The following HEATR5A variants were observed in gnomAD, a reference collection of about 807,000 sequenced individuals.
The protein encoded by HEATR5A is HEAT repeat-containing protein 5A.
A neutral mutation model predicts 218.8 loss-of-function variants in HEATR5A; 178 were observed. That is an observed-to-expected ratio of 0.81 (90% CI 0.72 to 0.92). The LOEUF (loss-of-function observed/expected upper bound fraction) is 0.92, where lower values mean the gene tolerates loss of function less well. Among genes scored for constraint, HEATR5A ranks in the 40% least tolerant of loss-of-function variants. The probability of loss-of-function intolerance (pLI) is 0.00; values close to 1 mark genes in which losing one functional copy is unlikely to be tolerated. For synonymous variants in HEATR5A, 864 were observed against 871.6 expected (o/e 0.99, Z 0.15); for missense variants, 2,420 against 2,418.9 (o/e 1.00, Z -0.01).
chr14:31,323,141 T>A (rs1485630604), intron 24 of HEATR5A, among the ~76,000 whole-genome samples: 1 of 152,174 alleles, frequency 6.6e-6, no homozygotes, highest in Non-Finnish European at 1.5e-5. Context: ...TCTATAAACT[T>A]AATGCATTGC....
At chr14:31,362,606 C>CAAAAAAAAAAAAAA (rs71115003) in intron 14 of HEATR5A, among the ~76,000 whole-genome samples, 3 of 44,756 alleles carry the variant, frequency 6.7e-5, no homozygotes, top group Non-Finnish European at 7.3e-5. Context: ...CTACAAATGA[C>CAAAAAAAAAAAAAA]AAAAAAAAAA....
chr14:31,398,586 T>C, intron 4 of HEATR5A, 87 bp downstream of exon 4: 1 of 662,682 alleles, frequency 1.5e-6, no homozygotes, highest in Non-Finnish European at 2.6e-6. Context: ...ATGCTTGACA[T>C]ATGTAAAGCT....
intron 5 of HEATR5A, among the ~76,000 whole-genome samples, chr14:31,394,773 G>A (rs746910378): frequency 7.9e-5 from 12 of 152,054 alleles, no homozygotes; most frequent in Non-Finnish European, 1.6e-4. Context: ...AGCCGAGATC[G>A]CGCCTCTACA....
At chr14:31,353,679 T>C (rs952520690) in intron 16 of HEATR5A, among the ~76,000 whole-genome samples, 2 of 152,004 alleles carry the variant, frequency 1.3e-5, no homozygotes, top group Admixed American at 6.6e-5. Context: ...GAAGCTGCAG[T>C]GAGGCAAAAT....
At chr14:31,397,333 A>AT (rs201155054) in intron 4 of HEATR5A, among the ~76,000 whole-genome samples, 14 of 148,812 alleles carry the variant, frequency 9.4e-5, no homozygotes, top group Non-Finnish European at 1.2e-4. Flanking sequence ...ATGTTTTTAG[A>AT]TTTTTTTTTT....
At chr14:31,373,876 G>C (rs1308279035) in intron 12 of HEATR5A, among the ~76,000 whole-genome samples, 4 of 152,072 alleles carry the variant, frequency 2.6e-5, no homozygotes, top group African/African-American at 9.7e-5. Context: ...AGATGATGAG[G>C]ATGAAGACCT....
At chr14:31,320,379 T>C in intron 25 of HEATR5A, 1 of 984,982 alleles carries the variant, frequency 1.0e-6, no homozygotes, top group African/African-American at 1.6e-5. Context: ...ACCGCTCCAA[T>C]GCCAGCCCCT....
intron 14 of HEATR5A, 69 bp downstream of exon 14, chr14:31,364,120 G>A (rs1393584109): frequency 1.3e-5 from 8 of 624,958 alleles, no homozygotes; most frequent in Non-Finnish European, 1.9e-5. Flanking sequence ...TTTAATGAGT[G>A]ACAATAACTA....
At chr14:31,343,798 C>T (rs1160760082) in intron 21 of HEATR5A, 98 bp downstream of exon 21, 1 of 1,016,206 alleles carries the variant, frequency 9.8e-7, no homozygotes, top group Non-Finnish European at 1.4e-6. Context: ...TAACACATAA[C>T]TTTGTACATA....
chr14:31,328,143 G>A (rs779388340), intron 22 of HEATR5A, among the ~76,000 whole-genome samples: 34 of 151,758 alleles, frequency 2.2e-4, no homozygotes, highest in Admixed American at 9.8e-4. Flanking sequence ...TTGTAGAGAC[G>A]AGGTTTCACC....
At chr14:31,400,133 G>C in intron 3 of HEATR5A, 168 bp downstream of exon 3, 1 of 491,692 alleles carries the variant, frequency 2.0e-6, no homozygotes, top group East Asian at 3.2e-5. Flanking sequence ...TTGTTTCTCA[G>C]CAACTAACAT....
At chr14:31,381,352 A>T (rs2029974185) in intron 10 of HEATR5A, among the ~76,000 whole-genome samples, 1 of 152,094 alleles carries the variant, frequency 6.6e-6, no homozygotes, top group Admixed American at 6.5e-5. Flanking sequence ...AAATAGTCTC[A>T]TACTGAAGAG....
chr14:31,320,080 T>C, intron 25 of HEATR5A: 1 of 217,324 alleles, frequency 4.6e-6, no homozygotes, highest in Middle Eastern at 2.1e-3. Context: ...AAAGAGGTTA[T>C]ATATATTATG....
chr14:31,321,528 G>T lies in HEATR5A; in HGVS notation c.3940C>A (p.His1314Asn). The stretch of plus-strand genomic sequence containing the variant: ...GCTTGATACTGTTCCAGAATCACAT[G>T]ACCTGGAAACTCTGGTTCTGGAACA... ...ATVPEPEFPG[H>N]VILEQYQANV... The change falls in exon 25 of 36, where the codon CAT becomes AAT. Residue 1314 changes from histidine (H) to asparagine (N), a missense_variant. Physicochemically the swap from His to Asn is moderately conservative, Grantham distance 68. Transcript: ENST00000543095. 6.2e-7 allele frequency: 1 copy of T among 1,601,322 alleles called. No individual in the cohort carries two copies. The highest frequency in any genetic ancestry group is 2.2e-5 in the East Asian group (1 of 44,654).
In HEATR5A at chr14:31,381,457, A is replaced by G. The variant is rs75502830; in HGVS notation, c.1597-879T>C. ...CAACGACTCAGAAGGCCAAGGTGGGAGGACCAATTGAGGCCAGAAATTCAA... is the reference window on the plus strand; with the variant it reads ...CAACGACTCAGAAGGCCAAGGTGGGGGGACCAATTGAGGCCAGAAATTCAA... On this transcript the variant is annotated intron_variant, in intron 10 of 35. Coordinates refer to ENST00000543095, the MANE Select transcript of HEATR5A (RefSeq NM_015473.4). Among the ~76,000 whole-genome samples, 759 of 150,326 alleles carry G rather than the reference A, an allele frequency of 5.0e-3. 10 individuals carry two copies. The highest frequency in any genetic ancestry group is 0.017 in the African/African-American group (714 of 41,038).
chr14:31,308,690 T>A (rs913742931), intron 29 of HEATR5A, among the ~76,000 whole-genome samples: 1 of 152,058 alleles, frequency 6.6e-6, no homozygotes, highest in Non-Finnish European at 1.5e-5. Context: ...GACATACATC[T>A]TTTTATTAAA....
chr14:31,391,531 A>G (rs948629713), intron 6 of HEATR5A, among the ~76,000 whole-genome samples: 1 of 152,244 alleles, frequency 6.6e-6, no homozygotes, highest in African/African-American at 2.4e-5. Flanking sequence ...ACAAAGGCTA[A>G]TTTATTATTA....
chr14:31,403,352 G>C (rs1344687812), intron 1 of HEATR5A, among the ~76,000 whole-genome samples: 1 of 152,160 alleles, frequency 6.6e-6, no homozygotes, highest in Non-Finnish European at 1.5e-5. Flanking sequence ...TGTTTATTCT[G>C]TGTTGGGTTT....
chr14:31,361,822 T>C (rs1241733723), intron 14 of HEATR5A, among the ~76,000 whole-genome samples: 4 of 152,178 alleles, frequency 2.6e-5, no homozygotes, highest in Non-Finnish European at 4.4e-5. Flanking sequence ...ATCTGCTGGA[T>C]AGTCATGAAG....
Sources: gnomAD v4.1 joint callset for allele counts (sites outside exome capture counted in the v4.1 genomes callset) on GRCh38, gnomAD v4.1.1 for gene constraint, MANE v1.5 for transcripts, NCBI Gene and HGNC (gene_info 2026-07-23, HGNC 2026-07-21) for gene names.